The following CSDE1 variants were observed in gnomAD, a reference collection of about 807,000 sequenced individuals.
CSDE1 encodes the protein cold shock domain containing E1.
In CSDE1, 17 loss-of-function variants were observed where a neutral mutation model predicts 89.3. The observed-to-expected ratio is 0.19, with a 90% confidence interval of 0.13 to 0.29. The LOEUF is 0.29. Among genes scored for constraint, CSDE1 ranks in the 10% least tolerant of loss-of-function variants. The pLI is 1.00. For missense variants in CSDE1, 672 were observed against 984.2 expected, an observed-to-expected ratio of 0.68 and a Z score of 4.24; for synonymous variants, 322 against 332.8, an observed-to-expected ratio of 0.97 and a Z score of 0.35.
In CSDE1 at chr1:114,718,243, T is replaced by C. The variant is rs546258811; in HGVS notation, c.2350-27A>G. The C allele has an allele frequency of 1.0e-5, 16 of 1,603,720 alleles. No individual in the cohort carries two copies. The African/African-American group carries it at 1.9e-4, about 19-fold the overall frequency. On this transcript the variant is annotated intron_variant, in intron 19 of 19. Transcript: ENST00000358528. ...TGTGGGGGGGAGAAAAAAAAAACCC[T>C]GCAGTTAATGATTTGAGCGCACAAC...
intron 12 of CSDE1, chr1:114,727,827 T>A (rs918649755): frequency 1.3e-5 from 2 of 152,066 alleles, no homozygotes; most frequent in Non-Finnish European, 2.9e-5. Context: ...ACTAAAAAAA[T>A]AAAAGTCTAA....
intron 14 of CSDE1, 89 bp from the exon 15 acceptor site, chr1:114,725,422 C>A: frequency 1.0e-6 from 1 of 976,622 alleles, no homozygotes; most frequent in Admixed American, 1.8e-5. Context: ...ACAGTCATGG[C>A]ATGGCATGCT....
Position 114,733,834 on chromosome 1 carries a change from G to C in CSDE1, c.735C>G (p.Val245=). The part of the protein sequence containing the change: ...DRNGKEVATD[V]RLLPQGTVIF... ...TGACTGTTCCTTGAGGCAATAGTCT[G>C]ACATCTGTTGCAACTTCTTTACCCT... The change falls in exon 9 of 20, where the codon GTC becomes GTG. Residue 245 remains valine (V), a synonymous_variant. Coordinates refer to ENST00000358528, the MANE Select transcript of CSDE1 (RefSeq NM_001007553.3). The C allele has an allele frequency of 6.2e-7, 1 of 1,613,918 alleles. No homozygotes were observed. The highest frequency in any genetic ancestry group is 8.5e-7 in the Non-Finnish European group (1 of 1,179,894).
intron 4 of CSDE1, 147 bp from the exon 5 acceptor site, chr1:114,737,710 C>G (rs1660479758): frequency 1.4e-6 from 1 of 718,252 alleles, no homozygotes. Context: ...TGCCAAGTTT[C>G]AAACTTACAG....
intron 12 of CSDE1, chr1:114,727,623 T>C (rs901164418): frequency 1.3e-5 from 2 of 152,202 alleles, no homozygotes; most frequent in African/African-American, 4.8e-5. Context: ...TATGACATAC[T>C]AGTATTTCAA....
At position 114,732,669 on chromosome 1, in the gene CSDE1, C is replaced by G; in HGVS notation, c.985G>C (p.Glu329Gln). The change falls in exon 10 of 20, where the codon GAG becomes CAG. Residue 329 changes from glutamate to glutamine, a missense_variant. Around this residue, in one of 8 missense-constraint regions of CSDE1, gnomAD observed 169 missense variants for 262.9 expected, o/e 0.64. Coordinates refer to ENST00000358528, the MANE Select transcript of CSDE1 (RefSeq NM_001007553.3). ...AGAACTTCTATATTGGTTGCTCGCT[C>G]TAATTTGTCACGTCGGTCTGTTGAA... ...NISTDRRDKL[E>Q]RATNIEVLSN... is the part of the protein sequence containing the mutation. 5.0e-6 allele frequency: 8 copies of G among 1,614,188 alleles called. No homozygotes were observed. Among genetic ancestry groups the G allele is most frequent in the Non-Finnish European group, 5.9e-6 (7 of 1,180,032 alleles).
chr1:114,734,267 T>A (rs1034821211), intron 7 of CSDE1, 150 bp from the exon 8 acceptor site: 4 of 1,144,058 alleles, frequency 3.5e-6, no homozygotes, highest in East Asian at 5.2e-5. Flanking sequence ...CAGCCAATTT[T>A]AAAGAAGATA....
chr1:114,745,349 C>T (rs1021423572), intron 2 of CSDE1, among the ~76,000 whole-genome samples: 18 of 152,188 alleles, frequency 1.2e-4, no homozygotes, highest in African/African-American at 3.6e-4. Flanking sequence ...TAGCTCAAGA[C>T]GTCATTGTAA....
At chr1:114,743,196 GAATT>G (rs1383433572) in intron 2 of CSDE1, among the ~76,000 whole-genome samples, 7 of 152,074 alleles carry the variant, frequency 4.6e-5, no homozygotes, top group Non-Finnish European at 1.0e-4. Flanking sequence ...CACCCAGGCT[GAATT>G]AATTTATTTT....
chr1:114,746,703 A>G (rs1327242040), intron 2 of CSDE1: 1 of 152,212 alleles, frequency 6.6e-6, no homozygotes, highest in African/African-American at 2.4e-5. Context: ...ATACACCTGG[A>G]GACTTCTCTA....
At position 114,726,997 on chromosome 1, in the gene CSDE1, G is replaced by T; in HGVS notation, c.1450C>A (p.Gln484Lys). The T allele has an allele frequency of 6.2e-7, 1 of 1,606,190 alleles. No homozygotes were observed. Among genetic ancestry groups the T allele is most frequent in the Non-Finnish European group, 8.5e-7 (1 of 1,172,992 alleles). ...AKDVEGSTSP[Q>K]IGDKVEFSIS... is the part of the protein sequence containing the mutation. The stretch of plus-strand genomic sequence containing the variant: ...AATTATCTTGCCTTATCTCCTATTT[G>T]AGGAGAAGTAGATCCTTCCACATCC... Residue 484 changes from glutamine (Q) to lysine (K), a missense_variant, in exon 13 of 20, where the codon CAA (glutamine) becomes AAA (lysine). By Grantham distance (53) the Gln-to-Lys change is moderately conservative (BLOSUM62 1). Around this residue, in one of 8 missense-constraint regions of CSDE1, gnomAD observed 108 missense variants for 105.0 expected, o/e 1.03. Transcript: ENST00000358528.
chr1:114,729,556 T>C (rs1279435390), intron 12 of CSDE1, among the ~76,000 whole-genome samples: 1 of 151,854 alleles, frequency 6.6e-6, no homozygotes, highest in African/African-American at 2.4e-5. Context: ...TAGTTACTCA[T>C]TGCTTCCTAA....
chr1:114,726,966 G>C lies in CSDE1; in HGVS notation c.1464+17C>G. The C allele has an allele frequency of 6.5e-7, 1 of 1,533,506 alleles. No homozygotes were observed. Among genetic ancestry groups the C allele is most frequent in the Non-Finnish European group, 9.0e-7 (1 of 1,107,102 alleles). The allele number at this position is 1,533,506 out of a possible 1,614,324, so 95.0% of individuals were successfully genotyped here. The stretch of plus-strand genomic sequence containing the variant: ...GACAACTCTTAACCCTCTCTCGAAT[G>C]AGCAGAATTATCTTGCCTTATCTCC... On this transcript the variant is annotated intron_variant, in intron 13 of 19. Coordinates refer to ENST00000358528, the MANE Select transcript of CSDE1 (RefSeq NM_001007553.3).
chr1:114,718,930 C>G, intron 18 of CSDE1, 185 bp from the exon 19 acceptor site: 1 of 617,154 alleles, frequency 1.6e-6, no homozygotes, highest in Non-Finnish European at 2.8e-6. Flanking sequence ...ATCCCCAACT[C>G]AAGGTCCCAA....
chr1:114,741,850 T>A (rs1660743237), intron 2 of CSDE1, among the ~76,000 whole-genome samples: 1 of 152,178 alleles, frequency 6.6e-6, no homozygotes, highest in Admixed American at 6.5e-5. Context: ...TTTAAAGCCA[T>A]TAAAACATAC....
At chr1:114,734,357 GA>G (rs57342611) in intron 7 of CSDE1, 84 bp downstream of exon 7, 227,303 of 1,066,710 alleles carry the variant, frequency 0.21, 14,393 homozygotes, top group South Asian at 0.25. Context: ...AGATAAAAAA[GA>G]AAAAAAAAAA....
chr1:114,754,643 C>G lies in CSDE1; in HGVS notation c.-388+3282G>C, dbSNP rs150680137. On this transcript the variant is annotated intron_variant, in intron 1 of 19. Coordinates refer to ENST00000358528, the MANE Select transcript of CSDE1 (RefSeq NM_001007553.3). ...TTTCATTGAGCACCACATTTTATAA[C>G]TGAAGTGCTTAATAGGTCTTAATTC... Among the ~76,000 whole-genome samples the G allele has an allele frequency of 7.9e-5, 12 of 152,300 alleles. No homozygotes were observed. In the East Asian group the frequency reaches 2.3e-3, roughly 29 times the overall value.
chr1:114,743,055 T>G (rs1439541598), intron 2 of CSDE1, among the ~76,000 whole-genome samples: 1 of 152,216 alleles, frequency 6.6e-6, no homozygotes, highest in African/African-American at 2.4e-5. Context: ...TGTTTTTAAC[T>G]GACAAGCAGT....
intron 12 of CSDE1, among the ~76,000 whole-genome samples, chr1:114,729,137 C>A (rs1659962498): frequency 6.6e-6 from 1 of 152,058 alleles, no homozygotes; most frequent in South Asian, 2.1e-4. Context: ...CTCACTCAGT[C>A]GCCCAGGATG....
Sources: allele counts gnomAD v4.1 joint callset (sites outside exome capture counted in the v4.1 genomes callset), GRCh38; gene constraint gnomAD v4.1.1; regional missense constraint gnomAD v4.1.1; transcripts MANE v1.5; gene names NCBI Gene and HGNC (gene_info 2026-07-23, HGNC 2026-07-21).